DST: variants seen among roughly 807,000 people sequenced by gnomAD.
The protein encoded by DST is bullous pemphigoid antigen.
DST carries 253 observed loss-of-function variants against 875.2 expected under a neutral mutation model. The ratio of observed to expected loss-of-function variants is 0.29; its 90% CI spans 0.26 to 0.32. The LOEUF is 0.32. Among genes scored for constraint, DST ranks in the 10% least tolerant of loss-of-function variants. DST has a pLI of 1.00. For synonymous variants in DST, 3,124 were observed against 3,197.1 expected (o/e 0.98, Z 0.77); for missense variants, 8,287 against 9,111.6 (o/e 0.91, Z 3.68).
At chr6:56,898,018 T>C (rs1215717879) in intron 3 of DST, among the ~76,000 whole-genome samples, 1 of 152,210 alleles carries the variant, frequency 6.6e-6, no homozygotes, top group Admixed American at 6.5e-5. Flanking sequence ...TGAAGCACCT[T>C]AGCCCTGCCC....
chr6:56,799,754 G>A lies in DST; in HGVS notation c.625+51643C>T, dbSNP rs147359316. On this transcript the variant is annotated intron_variant, in intron 4 of 103. Transcript: ENST00000680361. ...CTCCTGCCTCGGCCTTCCAAGTAGC[G>A]GGGATAACAGGCACGCACCACCATG... is the stretch of plus-strand genomic sequence containing the variant. Among the ~76,000 whole-genome samples, 577 of 151,574 alleles carry A rather than the reference G, an allele frequency of 3.8e-3. 6 individuals carry two copies. Among genetic ancestry groups the A allele is most frequent in the African/African-American group, 0.013 (557 of 41,296 alleles).
chr6:56,881,652 A>G (rs1214756931), intron 3 of DST, among the ~76,000 whole-genome samples: 1 of 152,210 alleles, frequency 6.6e-6, no homozygotes, highest in African/African-American at 2.4e-5. Flanking sequence ...TTTAAGAGCA[A>G]GCCATAGGCC....
At chr6:56,506,368 TG>T in intron 77 of DST, 74 bp downstream of exon 77, 2 of 1,195,134 alleles carry the variant, frequency 1.7e-6, no homozygotes, top group Non-Finnish European at 2.3e-6. Context: ...CTTGAGGTGG[TG>T]CCAATATGTA....
At chr6:56,768,822 G>A (rs1564081357) in intron 4 of DST, among the ~76,000 whole-genome samples, 1 of 152,036 alleles carries the variant, frequency 6.6e-6, no homozygotes, top group Admixed American at 6.5e-5. Context: ...TGTAATCCCA[G>A]CACTCTGGGA....
intron 9 of DST, among the ~76,000 whole-genome samples, chr6:56,694,601 G>A (rs1054309127): frequency 1.3e-5 from 2 of 152,078 alleles, no homozygotes; most frequent in African/African-American, 4.8e-5. Flanking sequence ...TATAATGGCT[G>A]ATATTTGTAC....
chr6:56,943,569 A>G (rs903788338), intron 2 of DST, among the ~76,000 whole-genome samples: 3 of 150,340 alleles, frequency 2.0e-5, no homozygotes, highest in African/African-American at 7.3e-5. Flanking sequence ...AGTAGCTGGG[A>G]TTACAGGGGG....
intron 4 of DST, among the ~76,000 whole-genome samples, chr6:56,738,127 C>G (rs932292021): frequency 2.0e-5 from 3 of 152,122 alleles, no homozygotes; most frequent in African/African-American, 7.2e-5. Context: ...GAAACACCTT[C>G]CATTTCCTAT....
intron 9 of DST, among the ~76,000 whole-genome samples, chr6:56,690,073 A>G (rs1484696883): frequency 1.3e-5 from 2 of 152,218 alleles, no homozygotes; most frequent in Non-Finnish European, 2.9e-5. Flanking sequence ...CACTATTAAC[A>G]TCAATTCCTG....
rs1382613705 is a variant in DST at position 56,607,427 on chromosome 6, G to A, written c.7201C>T (p.Pro2401Ser). ...QNFPSDLIENPIMKSKMSKFC... is the reference protein window; with the variant it reads ...QNFPSDLIENSIMKSKMSKFC... ...TTACTCATTTTTGATTTCATAATAG[G>A]ATTTTCTATTAAATCACTTGGAAAG... is the stretch of plus-strand genomic sequence containing the variant. The change falls in exon 40 of 104, where the codon CCT becomes TCT. Residue 2401 changes from proline to serine, a missense_variant. Pro to Ser is a moderately conservative substitution (Grantham distance 74). Around this residue, in one of 10 missense-constraint regions of DST, gnomAD observed 3,138 missense variants for 3,116.6 expected, o/e 1.01. Coordinates refer to ENST00000680361, the MANE Select transcript of DST (RefSeq NM_001374736.1). 1.9e-6 allele frequency: 3 copies of A among 1,609,450 alleles called. No homozygotes were observed. Among genetic ancestry groups the A allele is most frequent in the Non-Finnish European group, 2.5e-6 (3 of 1,177,590 alleles).
At chr6:56,588,517 G>T (rs1348075482) in intron 49 of DST, among the ~76,000 whole-genome samples, 2 of 152,074 alleles carry the variant, frequency 1.3e-5, no homozygotes, top group Non-Finnish European at 2.9e-5. Flanking sequence ...TCAAACTATA[G>T]CCTTCTTGAG....
At chr6:56,692,520 G>A (rs758507208) in intron 9 of DST, 1 of 1,289,662 alleles carries the variant, frequency 7.8e-7, no homozygotes, top group South Asian at 1.2e-5. Flanking sequence ...CTTGAATACT[G>A]CTATAACTTT....
At chr6:56,557,749 G>A (rs922694599) in intron 58 of DST, among the ~76,000 whole-genome samples, 13 of 152,114 alleles carry the variant, frequency 8.5e-5, no homozygotes, top group African/African-American at 2.9e-4. Flanking sequence ...AGAAGATATC[G>A]TAGAATATCG....
chr6:56,850,395 T>G (rs1278903494), intron 4 of DST, among the ~76,000 whole-genome samples: 2 of 108,174 alleles, frequency 1.8e-5, no homozygotes, highest in African/African-American at 7.5e-5. Flanking sequence ...AACTTTGCAA[T>G]ACAGTATAGG....
rs1590219121 is a variant in DST at position 56,782,577 on chromosome 6, T to C, written c.626-47288A>G. Among the ~76,000 whole-genome samples the C allele has an allele frequency of 2.0e-5, 3 of 152,338 alleles. No individual in the cohort carries two copies. The East Asian group carries it at 5.8e-4, about 29-fold the overall frequency. On this transcript the variant is annotated intron_variant, in intron 4 of 103. Transcript: ENST00000680361. ...GTGGGATTGGTGGTGATATCCCCTT[T>C]ATCATTTTTTATTGCATCTATTTGA...
intron 49 of DST, 88 bp from the exon 50 acceptor site, chr6:56,579,025 G>A: frequency 8.3e-7 from 1 of 1,198,426 alleles, no homozygotes; most frequent in Non-Finnish European, 1.1e-6. Flanking sequence ...ATAAGATAAA[G>A]TAAAATTGGA....
intron 4 of DST, among the ~76,000 whole-genome samples, chr6:56,738,533 G>A (rs938579138): frequency 6.6e-6 from 1 of 152,118 alleles, no homozygotes; most frequent in Non-Finnish European, 1.5e-5. Context: ...TGTTAGCCAG[G>A]ATGGTCTCAA....
Position 56,605,598 on chromosome 6 carries a change from C to T in DST, c.9030G>A (p.Glu3010=). ...TEPDLIGKPA[E]ESHLSLIASV... ...AGGCTATCAATGACAAATGGCTTTC[C>T]TCAGCAGGTTTTCCTATTAAATCAG... The change falls in exon 40 of 104, where the codon GAG becomes GAA. Residue 3010 remains glutamate, a synonymous_variant. Coordinates refer to ENST00000680361, the MANE Select transcript of DST (RefSeq NM_001374736.1). 1 of 1,613,074 alleles carries T rather than the reference C, an allele frequency of 6.2e-7. No individual in the cohort carries two copies. Among genetic ancestry groups the T allele is most frequent in the Non-Finnish European group, 8.5e-7 (1 of 1,179,334 alleles).
rs536871714 is a variant in DST at position 56,732,267 on chromosome 6, T to G, written c.687+2961A>C. 5.3e-5 allele frequency among the ~76,000 whole-genome samples: 8 copies of G among 152,302 alleles called. No individual in the cohort carries two copies. In the South Asian group the frequency reaches 1.7e-3, roughly 32 times the overall value. On this transcript the variant is annotated intron_variant, in intron 5 of 103. Transcript: ENST00000680361. ...ATACACTTGGTTAAAAGCAATTTGA[T>G]CATCACAACAATTTGGCCTAAACAG...
chr6:56,779,720 T>A lies in DST; in HGVS notation c.626-44431A>T, dbSNP rs186145637. On this transcript the variant is annotated intron_variant, in intron 4 of 103. Coordinates refer to ENST00000680361, the MANE Select transcript of DST (RefSeq NM_001374736.1). ...AGATATGTGGCATTAGTCTTCCTTA[T>A]TCTTTTTTTTTTTTAATATTATACT... Among the ~76,000 whole-genome samples the A allele has an allele frequency of 4.5e-3, 656 of 146,492 alleles. 4 individuals carry two copies. Among genetic ancestry groups the A allele is most frequent in the Non-Finnish European group, 7.9e-3 (508 of 64,668 alleles).
Sources: allele counts gnomAD v4.1 joint callset (sites outside exome capture counted in the v4.1 genomes callset), GRCh38; gene constraint gnomAD v4.1.1; regional missense constraint gnomAD v4.1.1; transcripts MANE v1.5; gene names NCBI Gene and HGNC (gene_info 2026-07-23, HGNC 2026-07-21).